Variants in HCN1 observed in about 807,000 individuals in gnomAD.
The protein encoded by HCN1 is potassium/sodium hyperpolarization-activated cyclic nucleotide-gated channel 1.
A neutral mutation model predicts 78.9 loss-of-function variants in HCN1; 13 were observed. The ratio of observed to expected loss-of-function variants is 0.16; its 90% CI spans 0.11 to 0.26. HCN1 has a LOEUF of 0.26. Among genes scored for constraint, HCN1 ranks in the 10% least tolerant of loss-of-function variants. The pLI is 1.00. For synonymous variants in HCN1, 552 were observed against 455.5 expected, an observed-to-expected ratio of 1.21 and a Z score of -2.70; for missense variants, 810 against 1,154.3, an observed-to-expected ratio of 0.70 and a Z score of 4.32.
intron 4 of HCN1, among the ~76,000 whole-genome samples, chr5:45,377,175 G>A (rs1354152086): frequency 6.6e-6 from 1 of 151,956 alleles, no homozygotes; most frequent in African/African-American, 2.4e-5. Flanking sequence ...CGTAAGCCTT[G>A]TGAAGTTGTA....
intron 7 of HCN1, 150 bp downstream of exon 7, chr5:45,266,939 C>T (rs1046780582): frequency 5.8e-6 from 4 of 693,684 alleles, no homozygotes; most frequent in Admixed American, 4.1e-5. Flanking sequence ...GAACTCCTGA[C>T]CTCAAATGAT....
intron 1 of HCN1, among the ~76,000 whole-genome samples, chr5:45,677,252 T>C (rs1299422670): frequency 1.3e-5 from 2 of 151,736 alleles, no homozygotes; most frequent in African/African-American, 2.4e-5. Flanking sequence ...AGATTGGAAG[T>C]TCACAAAAAA....
At chr5:45,542,653 A>C (rs1383689135) in intron 2 of HCN1, among the ~76,000 whole-genome samples, 1 of 152,130 alleles carries the variant, frequency 6.6e-6, no homozygotes, top group Non-Finnish European at 1.5e-5. Context: ...GAACTACTAC[A>C]CACAACAGGC....
rs1004252559 is a variant in HCN1, at chr5:45,333,279, A to G, written c.1377+19821T>C. Among the ~76,000 whole-genome samples the G allele has an allele frequency of 6.6e-5, 10 of 151,812 alleles. No individual in the cohort carries two copies. In the South Asian group the frequency reaches 1.2e-3, roughly 19 times the overall value. On this transcript the variant is annotated intron_variant, in intron 5 of 7. Coordinates refer to ENST00000303230, the MANE Select transcript of HCN1 (RefSeq NM_021072.4). Reference sequence around the variant, plus strand: ...TTTCATATGCCCGTTTGCCATTTGTATGTCTTCTTCTGAGAAATGTCTATT... The same window carrying G: ...TTTCATATGCCCGTTTGCCATTTGTGTGTCTTCTTCTGAGAAATGTCTATT...
chr5:45,373,128 A>G (rs1220861158), intron 4 of HCN1, among the ~76,000 whole-genome samples: 2 of 128,132 alleles, frequency 1.6e-5, no homozygotes, highest in Non-Finnish European at 3.2e-5. Flanking sequence ...TCATATATAT[A>G]AAATATATAG....
chr5:45,319,420 G>GT (rs1324132818), intron 5 of HCN1, among the ~76,000 whole-genome samples: 1 of 151,720 alleles, frequency 6.6e-6, no homozygotes, highest in Admixed American at 6.6e-5. Flanking sequence ...TTGCACTTGT[G>GT]TTTTTTCTTA....
intron 1 of HCN1, among the ~76,000 whole-genome samples, chr5:45,679,009 A>C (rs1391320366): frequency 6.6e-6 from 1 of 152,022 alleles, no homozygotes; most frequent in Non-Finnish European, 1.5e-5. Context: ...CTAAATAACT[A>C]GAATTCATAT....
At chr5:45,409,579 C>T (rs776800293) in intron 3 of HCN1, among the ~76,000 whole-genome samples, 79 of 152,098 alleles carry the variant, frequency 5.2e-4, no homozygotes, top group African/African-American at 1.6e-3. Flanking sequence ...AACATGTCCA[C>T]GCAATTTTGA....
At position 45,657,505 on chromosome 5, in the gene HCN1, T is replaced by G. The variant is rs549705250; in HGVS notation, c.426-11897A>C. On this transcript the variant is annotated intron_variant, in intron 1 of 7. Coordinates refer to ENST00000303230, the MANE Select transcript of HCN1 (RefSeq NM_021072.4). ...TGCTTTTTTTATGTAGGCCAGTAAC[T>G]TAGAGGAAATTTTTAAATTATTTAT... Among the ~76,000 whole-genome samples the G allele has an allele frequency of 6.8e-4, 103 of 152,300 alleles. 1 individual carries two copies. Among genetic ancestry groups the G allele is most frequent in the African/African-American group, 2.3e-3 (96 of 41,554 alleles).
intron 2 of HCN1, among the ~76,000 whole-genome samples, chr5:45,497,546 A>G (rs1335955718): frequency 2.6e-5 from 4 of 151,742 alleles, no homozygotes; most frequent in African/African-American, 4.8e-5. Context: ...TTTGTTTTCC[A>G]TTGGCTTGGT....
chr5:45,593,734 G>A (rs985071869), intron 2 of HCN1, among the ~76,000 whole-genome samples: 12 of 151,752 alleles, frequency 7.9e-5, no homozygotes, highest in African/African-American at 1.5e-4. Context: ...GAGTGCAGTG[G>A]CACAATCTCA....
rs1746042136 is a variant in HCN1, at chr5:45,318,226, T to G, written c.1378-14387A>C. On this transcript the variant is annotated intron_variant, in intron 5 of 7. Coordinates refer to ENST00000303230, the MANE Select transcript of HCN1 (RefSeq NM_021072.4). ...GTGGCACATATACACCATGGAATAC[T>G]ATGCAGCCATAAAAAAGATGAATTC... 2.0e-5 allele frequency among the ~76,000 whole-genome samples: 3 copies of G among 152,152 alleles called. No individual in the cohort carries two copies. In the South Asian group the frequency reaches 6.2e-4, roughly 32 times the overall value.
intron 2 of HCN1, among the ~76,000 whole-genome samples, chr5:45,491,090 C>T (rs1213124856): frequency 6.6e-6 from 1 of 152,122 alleles, no homozygotes; most frequent in Non-Finnish European, 1.5e-5. Context: ...CTTCTGCCTC[C>T]TCCATTTATC....
At chr5:45,457,980 G>A (rs1053143752) in intron 3 of HCN1, among the ~76,000 whole-genome samples, 1 of 152,052 alleles carries the variant, frequency 6.6e-6, no homozygotes, top group African/African-American at 2.4e-5. Flanking sequence ...TAGCACCTGC[G>A]ACGGTTAGTG....
At chr5:45,598,710 C>A (rs1744558081) in intron 2 of HCN1, among the ~76,000 whole-genome samples, 1 of 152,138 alleles carries the variant, frequency 6.6e-6, no homozygotes, top group Non-Finnish European at 1.5e-5. Flanking sequence ...AGAACTCAAA[C>A]AAATTTACAA....
intron 1 of HCN1, among the ~76,000 whole-genome samples, chr5:45,664,463 T>TA (rs1005693251): frequency 6.9e-4 from 67 of 97,330 alleles, no homozygotes; most frequent in Middle Eastern, 0.01. Context: ...ATAATAATAA[T>TA]AAAAAAAAGA....
intron 4 of HCN1, among the ~76,000 whole-genome samples, chr5:45,375,409 A>G (rs1290643707): frequency 8.2e-6 from 1 of 122,066 alleles, no homozygotes; most frequent in Non-Finnish European, 1.6e-5. Context: ...TATTATATAT[A>G]AGATCATATT....
intron 4 of HCN1, among the ~76,000 whole-genome samples, chr5:45,362,046 C>A (rs970526995): frequency 6.6e-6 from 1 of 151,960 alleles, no homozygotes; most frequent in Non-Finnish European, 1.5e-5. Context: ...ATCATTATAA[C>A]CATTGTAATA....
At chr5:45,311,370 CA>C (rs1745848975) in intron 5 of HCN1, among the ~76,000 whole-genome samples, 1 of 152,060 alleles carries the variant, frequency 6.6e-6, no homozygotes, top group Admixed American at 6.5e-5. Flanking sequence ...GGGTGGATTT[CA>C]AATGTTACTA....
Sources: gnomAD v4.1 joint callset for allele counts (sites outside exome capture counted in the v4.1 genomes callset) on GRCh38, gnomAD v4.1.1 for gene constraint, MANE v1.5 for transcripts, NCBI Gene and HGNC (gene_info 2026-07-23, HGNC 2026-07-21) for gene names.